The following PAX3 variants were observed in gnomAD, a reference collection of about 807,000 sequenced individuals.
PAX3 encodes paired box protein Pax-3.
In PAX3, 14 loss-of-function variants were observed where a neutral mutation model predicts 51.6. The observed-to-expected ratio is 0.27, with a 90% CI of 0.18 to 0.42. The LOEUF (loss-of-function observed/expected upper bound fraction) is 0.42, where lower values mean the gene tolerates loss of function less well. PAX3 is among the 10% of genes least tolerant of loss of function. PAX3 has a pLI of 1.00. For synonymous variants in PAX3, 280 were observed against 253.4 expected, an observed-to-expected ratio of 1.11 and a Z score of -1.00; for missense variants, 540 against 642.8, an observed-to-expected ratio of 0.84 and a Z score of 1.73.
rs1054134906 is a variant in PAX3, at chr2:222,232,372, A to T, written c.587-89T>A. On this transcript the variant is annotated intron_variant, in intron 4 of 8. Coordinates refer to ENST00000392070, the MANE Select transcript of PAX3 (RefSeq NM_181458.4). ...TCCAAGTTCTCTCTCCGACTGCAAG[A>T]CACCATTACAGTGATCCCTATACCT... is the stretch of plus-strand genomic sequence containing the variant. 2.2e-4 allele frequency: 241 copies of T among 1,117,542 alleles called. 3 individuals carry two copies. In the South Asian group the frequency reaches 2.9e-3, roughly 14 times the overall value. 69.2% of individuals were successfully genotyped at this position (1,117,542 alleles called of 1,614,324 possible). A position where few individuals can be genotyped will look rare whatever the true frequency, so the allele number is the denominator to read the frequency against.
At chr2:222,237,992 T>C (rs1001946029) in intron 4 of PAX3, among the ~76,000 whole-genome samples, 1 of 152,204 alleles carries the variant, frequency 6.6e-6, no homozygotes, top group Non-Finnish European at 1.5e-5. Context: ...CTGTGCTTTA[T>C]AAGAAAGTTC....
At chr2:222,257,398 T>G (rs1429348931) in intron 4 of PAX3, among the ~76,000 whole-genome samples, 1 of 152,240 alleles carries the variant, frequency 6.6e-6, no homozygotes. Flanking sequence ...TATGCTAGAA[T>G]GATTATTTTT....
chr2:222,261,945 G>A (rs1461934788), intron 4 of PAX3, among the ~76,000 whole-genome samples: 5 of 152,166 alleles, frequency 3.3e-5, no homozygotes, highest in Non-Finnish European at 7.3e-5. Flanking sequence ...ATCCCAATGG[G>A]TTCCCAAAGT....
chr2:222,203,012 C>CATATATATATATATATATATATATAT, intron 7 of PAX3, among the ~76,000 whole-genome samples: 1 of 41,188 alleles, frequency 2.4e-5, no homozygotes, highest in South Asian at 2.1e-3. Context: ...ACAACCATTT[C>CATATATATATATATATATATATATAT]ATATATATAT....
intron 4 of PAX3, among the ~76,000 whole-genome samples, chr2:222,250,600 A>G (rs1693392128): frequency 1.3e-5 from 2 of 152,236 alleles, no homozygotes; most frequent in African/African-American, 4.8e-5. Flanking sequence ...TGGGGCAATT[A>G]GAAATTTACA....
intron 5 of PAX3, among the ~76,000 whole-genome samples, chr2:222,224,388 CCTGT>C (rs1405612995): frequency 6.6e-6 from 1 of 152,152 alleles, no homozygotes; most frequent in African/African-American, 2.4e-5. Flanking sequence ...GACTGGCCTG[CCTGT>C]CTCTGGTCAT....
At chr2:222,244,734 C>CAAAAAAAAA (rs35127003) in intron 4 of PAX3, among the ~76,000 whole-genome samples, 8 of 109,704 alleles carry the variant, frequency 7.3e-5, no homozygotes, top group African/African-American at 2.3e-4. Context: ...TATTGTTCAC[C>CAAAAAAAAA]AAAAAAAAAA....
chr2:222,214,354 C>T (rs909123845), intron 7 of PAX3: 3 of 152,140 alleles, frequency 2.0e-5, no homozygotes, highest in African/African-American at 7.2e-5. Context: ...TCCTAATAGG[C>T]GTAGCTGACA....
chr2:222,247,779 A>G (rs560212240), intron 4 of PAX3, among the ~76,000 whole-genome samples: 1 of 152,102 alleles, frequency 6.6e-6, no homozygotes, highest in Non-Finnish European at 1.5e-5. Context: ...TTGGGCCCAG[A>G]GAGGAAAAAA....
chr2:222,261,396 G>A (rs1693855645), intron 4 of PAX3, among the ~76,000 whole-genome samples: 1 of 151,642 alleles, frequency 6.6e-6, no homozygotes, highest in Non-Finnish European at 1.5e-5. Context: ...CAAACGGCTA[G>A]GAAAAAAAAT....
rs142983215 is a variant in PAX3 at position 222,290,452 on chromosome 2, T to C, written c.586+3715A>G. On this transcript the variant is annotated intron_variant, in intron 4 of 8. Coordinates refer to ENST00000392070, the MANE Select transcript of PAX3 (RefSeq NM_181458.4). ...CAGACCTATGCTTGAGATCTCTTAG[T>C]GGGATCTTTTAAATTGTTGCAAACC... Among the ~76,000 whole-genome samples the C allele has an allele frequency of 1.2e-3, 188 of 152,276 alleles. 1 individual carries two copies. Among genetic ancestry groups the C allele is most frequent in the African/African-American group, 4.4e-3 (184 of 41,554 alleles).
At chr2:222,281,116 T>G (rs974482741) in intron 4 of PAX3, among the ~76,000 whole-genome samples, 7 of 152,198 alleles carry the variant, frequency 4.6e-5, no homozygotes, top group African/African-American at 1.7e-4. Context: ...CCTGGAAAGT[T>G]TCCACGCTGG....
chr2:222,294,211 T>C lies in PAX3; in HGVS notation c.542A>G (p.Glu181Gly). The C allele has an allele frequency of 6.2e-7, 1 of 1,614,238 alleles. No homozygotes were observed. The highest frequency in any genetic ancestry group is 1.3e-5 in the African/African-American group (1 of 75,054). The part of the protein sequence containing the change: ...DLERKEAEES[E>G]KKAKHSIDGI... ...GTCGATGCTGTGTTTGGCCTTCTTC[T>C]CGCTTTCCTCTGCCTCCTTCCTCTC... The change falls in exon 4 of 9, where the codon GAG becomes GGG. Residue 181 changes from glutamate to glycine, a missense_variant. Transcript: ENST00000392070.
chr2:222,298,804 G>A lies in PAX3; in HGVS notation c.-189C>T, dbSNP rs1364627382. The A allele has an allele frequency of 7.9e-6, 5 of 633,612 alleles. No individual in the cohort carries two copies. The highest frequency in any genetic ancestry group is 1.4e-5 in the Non-Finnish European group (5 of 353,516). The allele number at this position is 633,612 out of a possible 1,614,324, so 39.2% of individuals were successfully genotyped here. A position where few individuals can be genotyped will look rare whatever the true frequency, so the allele number is the denominator to read the frequency against. On this transcript the variant is annotated 5_prime_UTR_variant, in exon 1 of 9. Transcript: ENST00000392070. Reference sequence around the variant, plus strand: ...GTCCAGAGGCCGGAGCTGGAACCCGGGAAAGGGGAGGACGGGGAGGCCCCG... The same window carrying A: ...GTCCAGAGGCCGGAGCTGGAACCCGAGAAAGGGGAGGACGGGGAGGCCCCG...
intron 8 of PAX3, 58 bp from the exon 9 acceptor site, chr2:222,201,500 C>A (rs1691291851): frequency 6.3e-7 from 1 of 1,599,340 alleles, no homozygotes; most frequent in Admixed American, 1.7e-5. Context: ...CAGTCAGGGG[C>A]AAGATCAGCT....
At chr2:222,266,543 G>A (rs1250387472) in intron 4 of PAX3, among the ~76,000 whole-genome samples, 1 of 152,178 alleles carries the variant, frequency 6.6e-6, no homozygotes, top group African/African-American at 2.4e-5. Context: ...ACATAGTGTG[G>A]CAGTTAAAAT....
chr2:222,200,420 G>A lies in PAX3; in HGVS notation c.*988C>T, dbSNP rs1482032194. On this transcript the variant is annotated 3_prime_UTR_variant, in exon 9 of 9. Transcript: ENST00000392070. The stretch of plus-strand genomic sequence containing the variant: ...TGGTCTCTAATCAAAGGAGCAACCC[G>A]GGTGTTGGTTGTCCAGCAAATGGCA... The A allele has an allele frequency of 8.3e-5, 19 of 228,978 alleles. No individual in the cohort carries two copies. The highest frequency in any genetic ancestry group is 7.3e-4 in the South Asian group (4 of 5,488). The allele number at this position is 228,978 out of a possible 1,614,324, so 14.2% of individuals were successfully genotyped here.
intron 4 of PAX3, among the ~76,000 whole-genome samples, chr2:222,246,620 A>G (rs1446978388): frequency 1.3e-5 from 2 of 152,132 alleles, no homozygotes; most frequent in African/African-American, 4.8e-5. Context: ...TCAATAGATC[A>G]ATAGATAGAT....
chr2:222,203,587 G>T (rs958730981), intron 7 of PAX3, among the ~76,000 whole-genome samples: 1 of 152,046 alleles, frequency 6.6e-6, no homozygotes, highest in Non-Finnish European at 1.5e-5. Context: ...CATAATTCAG[G>T]CAATAGAACC....
Sources: gnomAD v4.1 joint callset for allele counts (sites outside exome capture counted in the v4.1 genomes callset) on GRCh38, gnomAD v4.1.1 for gene constraint, MANE v1.5 for transcripts, NCBI Gene and HGNC (gene_info 2026-07-23, HGNC 2026-07-21) for gene names.